The following FKBP1B variants were observed in gnomAD, a reference collection of about 807,000 sequenced individuals.
FKBP1B encodes FKBP prolyl isomerase 1B, also known as peptidyl-prolyl cis-trans isomerase FKBP1B.
FKBP1B carries 4 observed loss-of-function variants against 13.5 expected under a neutral mutation model. The ratio of observed to expected loss-of-function variants is 0.30; its 90% CI spans 0.15 to 0.68. The LOEUF (loss-of-function observed/expected upper bound fraction) is 0.68, where lower values mean the gene tolerates loss of function less well. Ranked by LOEUF, FKBP1B falls within the 30% of genes least tolerant of loss-of-function variation. The probability of loss-of-function intolerance (pLI) is 0.76; values close to 1 mark genes in which losing one functional copy is unlikely to be tolerated. For missense variants in FKBP1B, 93 were observed against 136.2 expected (o/e 0.68, Z 1.58); for synonymous variants, 54 against 53.6 (o/e 1.01, Z -0.03).
chr2:24,039,638 G>T, the FKBP1B span: 1 of 750,352 alleles, frequency 1.3e-6, no homozygotes, highest in Non-Finnish European at 2.1e-6. Context: ...AAAGGACAGG[G>T]GGAGTATTAT....
chr2:24,063,464 A>T lies in FKBP1B; in HGVS notation c.*272A>T. ...TGTAGTAGCCTTTCCTGATGACAGA[A>T]CACAGATCTCTTGTTCGCACAATCT... On this transcript the variant is annotated 3_prime_UTR_variant, in exon 4 of 4. Coordinates refer to ENST00000380986, the MANE Select transcript of FKBP1B (RefSeq NM_004116.5). 1 of 357,230 alleles carries T rather than the reference A, an allele frequency of 2.8e-6. No individual in the cohort carries two copies. Among genetic ancestry groups the T allele is most frequent in the Non-Finnish European group, 5.0e-6 (1 of 199,396 alleles). 22.1% of individuals were successfully genotyped at this position (357,230 alleles called of 1,614,324 possible).
In FKBP1B at chr2:24,060,875, C is replaced by T. The variant is rs751283498; in HGVS notation, c.147C>T (p.Phe49=). ...SSRDRNKPFK[F]RIGKQEVIKG... Reference sequence around the variant, plus strand: ...GAGACAGAAACAAACCTTTCAAGTTCAGAATTGGCAAACAGGAAGTCATCA... The same window carrying T: ...GAGACAGAAACAAACCTTTCAAGTTTAGAATTGGCAAACAGGAAGTCATCA... The change falls in exon 3 of 4, where the codon TTC becomes TTT. Residue 49 remains phenylalanine, a synonymous_variant. Coordinates refer to ENST00000380986, the MANE Select transcript of FKBP1B (RefSeq NM_004116.5). 1 of 1,614,134 alleles carries T rather than the reference C, an allele frequency of 6.2e-7. No homozygotes were observed. The highest frequency in any genetic ancestry group is 1.3e-5 in the African/African-American group (1 of 75,032).
At position 24,058,643 on chromosome 2, in the gene FKBP1B, C is replaced by G. The variant is rs190138255; in HGVS notation, c.86-2171C>G. Among the ~76,000 whole-genome samples, 13 of 152,300 alleles carry G rather than the reference C, an allele frequency of 8.5e-5. No individual in the cohort carries two copies. The Middle Eastern group carries it at 0.01, about 120-fold the overall frequency. ...GCATGTGTGTTTGCATATCTGTGTG[C>G]ATATTTGTACAAGTATGTATCTGTG... is the stretch of plus-strand genomic sequence containing the variant. On this transcript the variant is annotated intron_variant, in intron 2 of 3. Transcript: ENST00000380986.
the FKBP1B span, among the ~76,000 whole-genome samples, chr2:24,041,140 A>C: frequency 6.6e-6 from 1 of 151,964 alleles, no homozygotes; most frequent in Non-Finnish European, 1.5e-5. Flanking sequence ...GGAGTTTGAG[A>C]CCAGCCTGGC....
intron 1 of FKBP1B, among the ~76,000 whole-genome samples, chr2:24,053,261 G>A (rs370921457): frequency 5.3e-5 from 8 of 151,064 alleles, no homozygotes; most frequent in East Asian, 1.9e-4. Flanking sequence ...ATAGGTATGC[G>A]GCACCACACC....
At chr2:24,037,804 A>G in the FKBP1B span, 28 of 1,614,242 alleles carry the variant, frequency 1.7e-5, no homozygotes, top group Non-Finnish European at 1.2e-5. Context: ...GTTCCTAGAT[A>G]AAATTTCCAC....
chr2:24,056,453 T>G (rs1344909842), intron 2 of FKBP1B, among the ~76,000 whole-genome samples: 1 of 151,332 alleles, frequency 6.6e-6, no homozygotes, highest in Non-Finnish European at 1.5e-5. Context: ...AAGCGATTCT[T>G]GTGCCTCAAC....
the FKBP1B span, among the ~76,000 whole-genome samples, chr2:24,035,750 ATAGTTAAAAAAAAATTTTTTT>A: frequency 1.3e-5 from 2 of 151,636 alleles, no homozygotes; most frequent in Non-Finnish European, 2.9e-5. Flanking sequence ...CCTTGTCTCT[ATAGTTAAAAAAAAATTTTTTT>A]TAATTAAAAA....
chr2:24,059,325 G>C (rs908546424), intron 2 of FKBP1B, among the ~76,000 whole-genome samples: 1 of 151,300 alleles, frequency 6.6e-6, no homozygotes, highest in African/African-American at 2.5e-5. Context: ...GGATGACAAG[G>C]CTTCTGAAGC....
At chr2:24,057,681 A>C (rs1664197742) in intron 2 of FKBP1B, among the ~76,000 whole-genome samples, 2 of 151,730 alleles carry the variant, frequency 1.3e-5, no homozygotes, top group African/African-American at 4.8e-5. Flanking sequence ...CCACCTGGCT[A>C]ATTTTTAGTT....
intron 2 of FKBP1B, among the ~76,000 whole-genome samples, chr2:24,056,432 C>T (rs1371036149): frequency 1.3e-5 from 2 of 151,900 alleles, no homozygotes; most frequent in Non-Finnish European, 2.9e-5. Context: ...GCAACCCCGC[C>T]TCCTGGGTTC....
intron 2 of FKBP1B, 136 bp downstream of exon 2, chr2:24,054,085 C>T: frequency 1.3e-6 from 1 of 797,438 alleles, no homozygotes; most frequent in Non-Finnish European, 2.2e-6. Flanking sequence ...TGTGACCAGC[C>T]ATCCTCTACT....
At chr2:24,038,587 A>T in the FKBP1B span, 2 of 1,613,840 alleles carry the variant, frequency 1.2e-6, no homozygotes, top group Non-Finnish European at 1.7e-6. Context: ...CTTTTTTCTT[A>T]GACAAATAAG....
At chr2:24,042,957 C>T in the FKBP1B span, among the ~76,000 whole-genome samples, 3 of 149,288 alleles carry the variant, frequency 2.0e-5, no homozygotes, top group African/African-American at 7.4e-5. Context: ...CACTTGAACC[C>T]AGGAGGCGGA....
chr2:24,039,305 AC>A, the FKBP1B span: 1 of 1,614,246 alleles, frequency 6.2e-7, no homozygotes, highest in Non-Finnish European at 8.5e-7. Context: ...GGGGCCCAGG[AC>A]AACCCACAGA....
chr2:24,048,528 G>C (rs1663707343), upstream of FKBP1B, among the ~76,000 whole-genome samples: 1 of 150,966 alleles, frequency 6.6e-6, no homozygotes, highest in South Asian at 2.1e-4. Flanking sequence ...ATGTTACCCA[G>C]GCTGGTCTTG....
chr2:24,046,737 T>TAACAC (rs1663638031), upstream of FKBP1B, among the ~76,000 whole-genome samples: 1 of 152,114 alleles, frequency 6.6e-6, no homozygotes, highest in African/African-American at 2.4e-5. Flanking sequence ...AGAAAAAAAT[T>TAACAC]AAGAAGAGTT....
chr2:24,036,343 TAA>T, the FKBP1B span, among the ~76,000 whole-genome samples: 5 of 138,792 alleles, frequency 3.6e-5, no homozygotes, highest in Non-Finnish European at 1.6e-5. Flanking sequence ...CTGTCTCTGC[TAA>T]AAAAAAAAAA....
At position 24,053,954 on chromosome 2, in the gene FKBP1B, G is replaced by A. The variant is rs1387033467; in HGVS notation, c.85+5G>A. On this transcript the variant is annotated splice_donor_5th_base_variant and intron_variant, in intron 2 of 3. Coordinates refer to ENST00000380986, the MANE Select transcript of FKBP1B (RefSeq NM_004116.5). ...CGTGTGTGGTGCACTACACAGGTAAGTCTCACCCCCTCAGCCCCCACCCAG... is the reference window on the plus strand; with the variant it reads ...CGTGTGTGGTGCACTACACAGGTAAATCTCACCCCCTCAGCCCCCACCCAG... 5.6e-6 allele frequency: 9 copies of A among 1,614,014 alleles called. No individual in the cohort carries two copies. Among genetic ancestry groups the A allele is most frequent in the Non-Finnish European group, 7.6e-6 (9 of 1,179,956 alleles).
Sources: gnomAD v4.1 joint callset for allele counts (sites outside exome capture counted in the v4.1 genomes callset) on GRCh38, gnomAD v4.1.1 for gene constraint, MANE v1.5 for transcripts, NCBI Gene and HGNC (gene_info 2026-07-23, HGNC 2026-07-21) for gene names.